ABI2: variants seen among roughly 807,000 people sequenced by gnomAD.
The protein encoded by ABI2 is abl interactor 2, also known as abelson interactor 2.
ABI2 carries 25 observed loss-of-function variants against 59.2 expected under a neutral mutation model. That is an observed-to-expected ratio of 0.42 (90% CI 0.31 to 0.59). The LOEUF is 0.59. Among genes scored for constraint, ABI2 ranks in the 20% least tolerant of loss-of-function variants. ABI2 has a pLI of 0.14. For synonymous variants in ABI2, 213 were observed against 235.5 expected (o/e 0.90, Z 0.87); for missense variants, 545 against 681.8 (o/e 0.80, Z 2.23).
intron 2 of ABI2, among the ~76,000 whole-genome samples, chr2:203,373,616 T>G (rs1291007874): frequency 6.6e-6 from 1 of 152,092 alleles, no homozygotes; most frequent in Non-Finnish European, 1.5e-5. Context: ...TTGTCATGGC[T>G]TAGAAAAAAA....
chr2:203,415,554 T>C (rs1019452977), intron 10 of ABI2, among the ~76,000 whole-genome samples: 2 of 140,938 alleles, frequency 1.4e-5, no homozygotes, highest in Non-Finnish European at 3.0e-5. Context: ...GAGGCAGAGC[T>C]TGCAATGAGC....
chr2:203,395,431 A>AT (rs1491428509), intron 6 of ABI2, among the ~76,000 whole-genome samples: 2 of 69,068 alleles, frequency 2.9e-5, no homozygotes, highest in African/African-American at 7.9e-5. Context: ...ATTAATAAGT[A>AT]AATATATATA....
chr2:203,406,195 CAAG>C (rs1369795781), intron 9 of ABI2, among the ~76,000 whole-genome samples: 1 of 152,032 alleles, frequency 6.6e-6, no homozygotes, highest in Non-Finnish European at 1.5e-5. Context: ...CCTTGGTGGT[CAAG>C]AAGAATATAC....
rs1357807352 is a variant in ABI2 at position 203,338,992 on chromosome 2, A to G, written c.117+10361A>G. Among the ~76,000 whole-genome samples, 7 of 83,646 alleles carry G rather than the reference A, an allele frequency of 8.4e-5. 2 individuals are homozygous for G. In the East Asian group the frequency reaches 1.3e-3, roughly 16 times the overall value. 54.9% of individuals were successfully genotyped at this position (83,646 alleles called of 152,430 possible). ...TATATATATATATATAAATATATAT[A>G]TATATATATATATATAAAGGATTCA... On this transcript the variant is annotated intron_variant, in intron 1 of 11. Coordinates refer to ENST00000261018, the MANE Select transcript of ABI2 (RefSeq NM_001375670.1).
chr2:203,343,162 G>C (rs1458930676), intron 1 of ABI2, among the ~76,000 whole-genome samples: 3 of 152,130 alleles, frequency 2.0e-5, no homozygotes, highest in African/African-American at 7.2e-5. Context: ...TCAGGAGTTT[G>C]AGACCAGCCT....
chr2:203,357,034 G>A (rs1323616615), intron 1 of ABI2, among the ~76,000 whole-genome samples: 2 of 117,818 alleles, frequency 1.7e-5, no homozygotes, highest in East Asian at 2.1e-4. Flanking sequence ...TGAGGAAAGC[G>A]TTTTTAAAAT....
At chr2:203,363,426 A>G (rs1307716927) in intron 1 of ABI2, among the ~76,000 whole-genome samples, 1 of 151,986 alleles carries the variant, frequency 6.6e-6, no homozygotes, top group East Asian at 1.9e-4. Flanking sequence ...TCCATTAACC[A>G]TTCTCACTTA....
intron 11 of ABI2, among the ~76,000 whole-genome samples, chr2:203,424,286 G>A (rs1009359266): frequency 2.0e-5 from 3 of 152,146 alleles, no homozygotes; most frequent in African/African-American, 7.2e-5. Flanking sequence ...TTTGCTTTTT[G>A]ATGAATGGCT....
At chr2:203,343,932 C>G (rs188326505) in intron 1 of ABI2, among the ~76,000 whole-genome samples, 25 of 151,564 alleles carry the variant, frequency 1.6e-4, no homozygotes, top group Non-Finnish European at 2.9e-4. Flanking sequence ...GAGTTTGAGA[C>G]TAGCCTTGGC....
chr2:203,332,582 G>A (rs909374584), intron 1 of ABI2, among the ~76,000 whole-genome samples: 1 of 152,176 alleles, frequency 6.6e-6, no homozygotes. Context: ...CCAAGATCAT[G>A]CCATTGCACT....
intron 2 of ABI2, among the ~76,000 whole-genome samples, chr2:203,370,551 A>G (rs1047206874): frequency 6.6e-6 from 1 of 152,244 alleles, no homozygotes; most frequent in Non-Finnish European, 1.5e-5. Flanking sequence ...AGCGGGCCAC[A>G]TTCTGGCATG....
intron 8 of ABI2, among the ~76,000 whole-genome samples, chr2:203,401,277 C>G (rs2097207945): frequency 1.3e-5 from 2 of 151,838 alleles, no homozygotes; most frequent in Non-Finnish European, 2.9e-5. Context: ...TCCTCTTGCC[C>G]TCCTCCACCT....
intron 2 of ABI2, among the ~76,000 whole-genome samples, chr2:203,372,170 C>G (rs1438034900): frequency 6.6e-6 from 1 of 151,846 alleles, no homozygotes; most frequent in African/African-American, 2.4e-5. Context: ...TTTAACAAAG[C>G]ACATCTTGCA....
chr2:203,348,201 A>G (rs945144719), intron 1 of ABI2, among the ~76,000 whole-genome samples: 1 of 152,234 alleles, frequency 6.6e-6, no homozygotes, highest in African/African-American at 2.4e-5. Flanking sequence ...AGATCGCGCC[A>G]CTGCACTGTA....
chr2:203,343,950 C>T (rs971487962), intron 1 of ABI2, among the ~76,000 whole-genome samples: 5 of 151,230 alleles, frequency 3.3e-5, no homozygotes, highest in Admixed American at 1.3e-4. Flanking sequence ...GGCAAAAAGA[C>T]GAGAGAGACC....
rs993751252 is a variant in ABI2, at chr2:203,430,502, G to A, written c.*3150G>A. 4 of 152,092 alleles carry A rather than the reference G, an allele frequency of 2.6e-5. No individual in the cohort carries two copies. Among genetic ancestry groups the A allele is most frequent in the South Asian group, 4.1e-4 (2 of 4,830 alleles). 9.4% of individuals were successfully genotyped at this position (152,092 alleles called of 1,614,324 possible). ...ACTTTATTGTTGCCTTTGAACTTAC[G>A]GCCAAGGCAATAAATCAGAAACAAA... On this transcript the variant is annotated 3_prime_UTR_variant, in exon 12 of 12. Coordinates refer to ENST00000261018, the MANE Select transcript of ABI2 (RefSeq NM_001375670.1).
intron 1 of ABI2, among the ~76,000 whole-genome samples, chr2:203,361,367 T>C (rs1474121714): frequency 6.6e-6 from 1 of 152,132 alleles, no homozygotes; most frequent in Non-Finnish European, 1.5e-5. Context: ...GGTGTGGTAG[T>C]GTGTGCCTCT....
intron 9 of ABI2, among the ~76,000 whole-genome samples, chr2:203,406,400 T>C (rs2097427707): frequency 6.6e-6 from 1 of 152,214 alleles, no homozygotes; most frequent in South Asian, 2.1e-4. Flanking sequence ...TGTGTCTATA[T>C]ATAGTTCTAT....
At chr2:203,384,217 A>G (rs531356282) in intron 4 of ABI2, among the ~76,000 whole-genome samples, 2 of 151,568 alleles carry the variant, frequency 1.3e-5, no homozygotes, top group Non-Finnish European at 2.9e-5. Flanking sequence ...GTGTTTTCAT[A>G]TATACCTAAG....
Sources: allele counts gnomAD v4.1 joint callset (sites outside exome capture counted in the v4.1 genomes callset), GRCh38; gene constraint gnomAD v4.1.1; transcripts MANE v1.5; gene names NCBI Gene and HGNC (gene_info 2026-07-23, HGNC 2026-07-21).